Variants in KCNH8 observed in about 807,000 individuals in gnomAD.
KCNH8 encodes voltage-gated delayed rectifier potassium channel KCNH8.
A neutral mutation model predicts 103.6 loss-of-function variants in KCNH8; 70 were observed. The ratio of observed to expected loss-of-function variants is 0.68; its 90% CI spans 0.56 to 0.82. KCNH8 has a LOEUF of 0.82. Ranked by LOEUF, KCNH8 falls within the 40% of genes least tolerant of loss-of-function variation. KCNH8 has a pLI of 0.00. For missense variants in KCNH8, 1,217 were observed against 1,329.9 expected (o/e 0.92, Z 1.32); for synonymous variants, 498 against 489.4 (o/e 1.02, Z -0.23).
At chr3:19,282,488 T>G (rs1306886421) in intron 3 of KCNH8, among the ~76,000 whole-genome samples, 1 of 152,180 alleles carries the variant, frequency 6.6e-6, no homozygotes, top group Non-Finnish European at 1.5e-5. Flanking sequence ...TGAATAAAAT[T>G]ATTCAAACAT....
intron 1 of KCNH8, among the ~76,000 whole-genome samples, chr3:19,213,339 A>G (rs1174422809): frequency 1.3e-5 from 2 of 152,188 alleles, no homozygotes; most frequent in African/African-American, 4.8e-5. Flanking sequence ...TGATCCCATC[A>G]GTCTCAAGCC....
At chr3:19,278,469 A>T (rs536792043) in intron 2 of KCNH8, among the ~76,000 whole-genome samples, 73 of 126,378 alleles carry the variant, frequency 5.8e-4, no homozygotes, top group African/African-American at 2.0e-3. Flanking sequence ...AAGGAAAGGG[A>T]AGGGAAGGAA....
At chr3:19,483,992 T>C (rs2068145375) in intron 11 of KCNH8, among the ~76,000 whole-genome samples, 1 of 152,172 alleles carries the variant, frequency 6.6e-6, no homozygotes, top group South Asian at 2.1e-4. Context: ...TTTACTTACT[T>C]TTGGTCATAT....
intron 10 of KCNH8, among the ~76,000 whole-genome samples, chr3:19,454,193 TG>T (rs2067495509): frequency 2.1e-5 from 3 of 145,744 alleles, no homozygotes; most frequent in East Asian, 4.0e-4. Flanking sequence ...TGTGTGTGTG[TG>T]TGTTTTCTTT....
intron 8 of KCNH8, among the ~76,000 whole-genome samples, chr3:19,438,640 G>C (rs754769963): frequency 1.3e-5 from 2 of 152,166 alleles, no homozygotes; most frequent in Non-Finnish European, 2.9e-5. Flanking sequence ...ACCTCATCCA[G>C]CTTACTGTTT....
At chr3:19,322,317 G>A (rs1404936642) in intron 3 of KCNH8, among the ~76,000 whole-genome samples, 2 of 151,964 alleles carry the variant, frequency 1.3e-5, no homozygotes, top group Non-Finnish European at 2.9e-5. Context: ...ATCTATTTTG[G>A]TGTATTTCGA....
chr3:19,533,492 G>T lies in KCNH8; in HGVS notation c.2717G>T (p.Arg906Leu). ...GTTCTGTCACCTCAGCAGCCATCAC[G>T]GTTTTGCTCTTTGCACAGCACCTCT... ...ENVLSPQQPS[R>L]FCSLHSTSVC... Residue 906 changes from arginine to leucine, a missense_variant, in exon 16 of 16, where the codon CGG becomes CTG. By Grantham distance (102) the Arg-to-Leu change is moderately radical. Coordinates refer to ENST00000328405, the MANE Select transcript of KCNH8 (RefSeq NM_144633.3). 1 of 1,614,150 alleles carries T rather than the reference G, an allele frequency of 6.2e-7. No homozygotes were observed. The highest frequency in any genetic ancestry group is 8.5e-7 in the Non-Finnish European group (1 of 1,180,024).
At chr3:19,332,781 C>T (rs777610183) in intron 3 of KCNH8, among the ~76,000 whole-genome samples, 2 of 151,926 alleles carry the variant, frequency 1.3e-5, no homozygotes, top group Non-Finnish European at 2.9e-5. Flanking sequence ...TACAGGTGCA[C>T]GCCACCACAC....
At chr3:19,257,219 T>C (rs868841984) in intron 2 of KCNH8, among the ~76,000 whole-genome samples, 2 of 152,088 alleles carry the variant, frequency 1.3e-5, no homozygotes, top group African/African-American at 4.8e-5. Flanking sequence ...CCTCCCCAGA[T>C]ACATTTTGAC....
At chr3:19,384,052 G>A (rs2066323440) in intron 5 of KCNH8, among the ~76,000 whole-genome samples, 1 of 152,060 alleles carries the variant, frequency 6.6e-6, no homozygotes. Flanking sequence ...CATGCCAATG[G>A]ACATGTTACA....
chr3:19,174,719 T>A (rs527934113), intron 1 of KCNH8, among the ~76,000 whole-genome samples: 7 of 152,340 alleles, frequency 4.6e-5, no homozygotes, highest in African/African-American at 1.7e-4. Context: ...ATAATCACTA[T>A]TCTCCTAGTG....
intron 1 of KCNH8, among the ~76,000 whole-genome samples, chr3:19,248,158 A>G (rs2064229838): frequency 6.6e-6 from 1 of 152,222 alleles, no homozygotes; most frequent in South Asian, 2.1e-4. Flanking sequence ...TTTGAAAACA[A>G]TATCAGGCTT....
intron 1 of KCNH8, among the ~76,000 whole-genome samples, chr3:19,240,622 A>C (rs2064127046): frequency 6.6e-6 from 1 of 151,860 alleles, no homozygotes; most frequent in African/African-American, 2.4e-5. Flanking sequence ...AAAAAAAAAA[A>C]AAAAACAAAA....
chr3:19,226,584 T>TTCTC (rs113627715), intron 1 of KCNH8, among the ~76,000 whole-genome samples: 11 of 148,036 alleles, frequency 7.4e-5, no homozygotes, highest in Admixed American at 2.7e-4. Context: ...CTTTCAGTCT[T>TTCTC]TCTCTCTCTC....
intron 1 of KCNH8, among the ~76,000 whole-genome samples, chr3:19,246,910 G>C (rs2064213745): frequency 6.6e-6 from 1 of 152,130 alleles, no homozygotes; most frequent in African/African-American, 2.4e-5. Context: ...GTTTCCATTT[G>C]TCTCTCTGTT....
chr3:19,246,274 G>GTTTTTTTTTTTT (rs920423108), intron 1 of KCNH8, among the ~76,000 whole-genome samples: 5 of 86,350 alleles, frequency 5.8e-5, no homozygotes, highest in Admixed American at 1.3e-4. Context: ...TGTTGTTGTT[G>GTTTTTTTTTTTT]TTTTTTTTTT....
intron 3 of KCNH8, among the ~76,000 whole-genome samples, chr3:19,283,832 A>G (rs2064790592): frequency 6.6e-6 from 1 of 151,432 alleles, no homozygotes. Flanking sequence ...AGTCCCAGCT[A>G]TTTGGGAGGC....
At chr3:19,319,873 T>C (rs2065326694) in intron 3 of KCNH8, among the ~76,000 whole-genome samples, 1 of 152,114 alleles carries the variant, frequency 6.6e-6, no homozygotes, top group Non-Finnish European at 1.5e-5. Context: ...GTAGAGGTCT[T>C]TCACCTCTTT....
chr3:19,256,877 A>G (rs1444990467), intron 2 of KCNH8, among the ~76,000 whole-genome samples: 1 of 152,058 alleles, frequency 6.6e-6, no homozygotes, highest in Non-Finnish European at 1.5e-5. Flanking sequence ...CAGTTACAAG[A>G]CTGAAAATTG....
Sources: gnomAD v4.1 joint callset for allele counts (sites outside exome capture counted in the v4.1 genomes callset) on GRCh38, gnomAD v4.1.1 for gene constraint, MANE v1.5 for transcripts, NCBI Gene and HGNC (gene_info 2026-07-23, HGNC 2026-07-21) for gene names.